The following ZNF541 variants were observed in gnomAD, a reference collection of about 807,000 sequenced individuals.
ZNF541 encodes zinc finger protein 541.
In ZNF541, 23 loss-of-function variants were observed where a neutral mutation model predicts 123.5. The observed-to-expected ratio is 0.19, with a 90% CI of 0.13 to 0.26. The LOEUF is 0.26. Ranked by LOEUF, ZNF541 falls within the 10% of genes least tolerant of loss-of-function variation. The pLI is 1.00. For synonymous variants in ZNF541, 751 were observed against 754.5 expected (o/e 1.00, Z 0.08); for missense variants, 1,612 against 1,789.9 (o/e 0.90, Z 1.79).
chr19:47,546,862 G>A (rs2123177375), intron 4 of ZNF541, among the ~76,000 whole-genome samples: 1 of 152,124 alleles, frequency 6.6e-6, no homozygotes, highest in East Asian at 1.9e-4. Flanking sequence ...TGGGACTACA[G>A]GTGCGTGCCA....
chr19:47,526,310 C>T (rs181829934), intron 14 of ZNF541, among the ~76,000 whole-genome samples: 5 of 151,970 alleles, frequency 3.3e-5, no homozygotes, highest in Admixed American at 6.6e-5. Flanking sequence ...AGCAAAACCC[C>T]GTCCCTACTA....
intron 5 of ZNF541, 40 bp from the exon 6 acceptor site, chr19:47,540,991 G>A: frequency 6.6e-7 from 1 of 1,516,380 alleles, no homozygotes; most frequent in South Asian, 1.2e-5. Context: ...CATCCAAAAT[G>A]AAGAGGCAAG....
At chr19:47,565,687 C>T (rs1254341402) in intron 2 of ZNF541, among the ~76,000 whole-genome samples, 1 of 151,966 alleles carries the variant, frequency 6.6e-6, no homozygotes, top group Non-Finnish European at 1.5e-5. Flanking sequence ...AAATGGTATC[C>T]CTCTCATTAA....
chr19:47,549,189 C>T (rs1174842890), intron 4 of ZNF541, 56 bp downstream of exon 4: 5 of 1,544,942 alleles, frequency 3.2e-6, no homozygotes, highest in African/African-American at 2.7e-5. Flanking sequence ...GACCCAGGAA[C>T]ATGTCCCCAC....
At chr19:47,532,769 G>A in intron 10 of ZNF541, 140 bp downstream of exon 10, 1 of 594,196 alleles carries the variant, frequency 1.7e-6, no homozygotes, top group Non-Finnish European at 2.8e-6. Context: ...CATATATTTG[G>A]AAAAATCTAC....
chr19:47,536,110 G>C (rs1033895093), intron 9 of ZNF541, among the ~76,000 whole-genome samples: 1 of 152,202 alleles, frequency 6.6e-6, no homozygotes, highest in East Asian at 1.9e-4. Flanking sequence ...GGCACAGATC[G>C]CTCATGCTAT....
intron 2 of ZNF541, among the ~76,000 whole-genome samples, chr19:47,570,530 T>G (rs1046871271): frequency 7.8e-6 from 1 of 127,656 alleles, no homozygotes; most frequent in African/African-American, 3.1e-5. Flanking sequence ...TGAGCTGAGA[T>G]AGTGCCAATG....
chr19:47,544,151 T>C lies in ZNF541; in HGVS notation c.2378A>G (p.Lys793Arg). ...AGPPADPSKS[K>R]LTIFSRIQGG... is the part of the protein sequence containing the mutation. ...CTGGATTCTGCTGAATATTGTCAGCTTGGACTTGGAGGGATCTGCCGGGGG... is the reference window on the plus strand; with the variant it reads ...CTGGATTCTGCTGAATATTGTCAGCCTGGACTTGGAGGGATCTGCCGGGGG... The change falls in exon 5 of 17, where the codon AAG becomes AGG. Residue 793 changes from lysine to arginine, a missense_variant. Coordinates refer to ENST00000391901, the MANE Select transcript of ZNF541 (RefSeq NM_001277075.3). The C allele has an allele frequency of 6.4e-7, 1 of 1,550,568 alleles. No homozygotes were observed. The highest frequency in any genetic ancestry group is 8.7e-7 in the Non-Finnish European group (1 of 1,146,148).
In ZNF541 at chr19:47,540,160, G is replaced by A; in HGVS notation, c.2622+16C>T. 1 of 1,546,736 alleles carries A rather than the reference G, an allele frequency of 6.5e-7. No individual in the cohort carries two copies. Among genetic ancestry groups the A allele is most frequent in the South Asian group, 1.2e-5 (1 of 83,662 alleles). On this transcript the variant is annotated intron_variant, in intron 7 of 16. Coordinates refer to ENST00000391901, the MANE Select transcript of ZNF541 (RefSeq NM_001277075.3). ...GAAACCCAGTAACCACCAAGCCACT[G>A]GTCGTCCCCCTTCACCTGCGGTTCC...
At position 47,545,589 on chromosome 19, in the gene ZNF541, C is replaced by G; in HGVS notation, c.940G>C (p.Gly314Arg). The G allele has an allele frequency of 6.5e-7, 1 of 1,548,692 alleles. No individual in the cohort carries two copies. The highest frequency in any genetic ancestry group is 8.7e-7 in the Non-Finnish European group (1 of 1,145,186). The change falls in exon 5 of 17, where the codon GGG (glycine) becomes CGG (arginine). Residue 314 changes from glycine (G) to arginine (R), a missense_variant. This residue lies in a region of ZNF541 where 1,080 missense variants were observed against 1,013.8 expected (regional missense o/e 1.07). Coordinates refer to ENST00000391901, the MANE Select transcript of ZNF541 (RefSeq NM_001277075.3). The surrounding 1 kb of genome is among the most constrained non-coding windows in gnomAD (Gnocchi z 7.5). ...NTACPCPASS[G>R]SSSCTPAGPH... ...CCGGCTGGGGTGCAGGACGAGGACC[C>G]CGATGAGGCGGGGCAGGGACAGGCA...
chr19:47,573,178 G>A (rs895984013), upstream of ZNF541, among the ~76,000 whole-genome samples: 2 of 149,708 alleles, frequency 1.3e-5, no homozygotes, highest in African/African-American at 4.9e-5. Flanking sequence ...GGGCGCACGC[G>A]CAGCCCGGCC....
In ZNF541 at chr19:47,545,444, G is replaced by A. The variant is rs755503767; in HGVS notation, c.1085C>T (p.Ala362Val). 1.2e-4 allele frequency: 174 copies of A among 1,476,724 alleles called. 1 individual carries two copies. The East Asian group carries it at 3.9e-3, about 33-fold the overall frequency. 91.5% of individuals were successfully genotyped at this position (1,476,724 alleles called of 1,614,324 possible). A position where few individuals can be genotyped will look rare whatever the true frequency, so the allele number is the denominator to read the frequency against. ...APNSRAAENG[A>V]PDPPEPEPDT... The stretch of plus-strand genomic sequence containing the variant: ...TGGCTCCGGCTCTGGCGGGTCGGGG[G>A]CGCCGTTCTCGGCGGCCCTGGAATT... Residue 362 changes from alanine to valine, a missense_variant, in exon 5 of 17, where the codon GCC becomes GTC. Coordinates refer to ENST00000391901, the MANE Select transcript of ZNF541 (RefSeq NM_001277075.3). The surrounding 1 kb of genome is among the most constrained non-coding windows in gnomAD (Gnocchi z 7.5).
At position 47,529,678 on chromosome 19, in the gene ZNF541, C is replaced by T. The variant is rs1386743182; in HGVS notation, c.3406-26G>A. The T allele has an allele frequency of 4.5e-6, 7 of 1,549,326 alleles. No homozygotes were observed. The East Asian group carries it at 1.2e-4, about 27-fold the overall frequency. Reference sequence around the variant, plus strand: ...CTGGAACAAGAGGAGCGACAGGCTGCCCAGGACCAGGTGGGGGAAGAGGAC... The same window carrying T: ...CTGGAACAAGAGGAGCGACAGGCTGTCCAGGACCAGGTGGGGGAAGAGGAC... On this transcript the variant is annotated intron_variant, in intron 12 of 16. Transcript: ENST00000391901.
At chr19:47,537,662 G>C (rs1969884947) in intron 9 of ZNF541, among the ~76,000 whole-genome samples, 1 of 142,728 alleles carries the variant, frequency 7.0e-6, no homozygotes, top group Non-Finnish European at 1.5e-5. Context: ...AAAATCACAA[G>C]TCCAGGAGCT....
In ZNF541 at chr19:47,549,180, A is replaced by G. The variant is rs1303760721; in HGVS notation, c.548+65T>C. 13 of 1,540,162 alleles carry G rather than the reference A, an allele frequency of 8.4e-6. No homozygotes were observed. The Admixed American group carries it at 2.0e-4, about 23-fold the overall frequency. ...GTTGATCTGGGAGAATAGGAAGAAG[A>G]CCCAGGAACATGTCCCCACCCCCAG... On this transcript the variant is annotated intron_variant, in intron 4 of 16. Coordinates refer to ENST00000391901, the MANE Select transcript of ZNF541 (RefSeq NM_001277075.3).
At chr19:47,546,078 C>T (rs1970344270) in intron 4 of ZNF541, 98 bp from the exon 5 acceptor site, 1 of 1,044,418 alleles carries the variant, frequency 9.6e-7, no homozygotes, top group Non-Finnish European at 1.3e-6. Context: ...GGTACAGTTG[C>T]ACCACAATTC....
chr19:47,521,812 G>C lies in ZNF541; in HGVS notation c.3711+42C>G. ...TCCAACTCAACGGGTAGCAGGCACT[G>C]GGAGGAGAGAAGAGCTCCCGACACA... is the stretch of plus-strand genomic sequence containing the variant. On this transcript the variant is annotated intron_variant, in intron 15 of 16. Coordinates refer to ENST00000391901, the MANE Select transcript of ZNF541 (RefSeq NM_001277075.3). The surrounding 1 kb of genome is among the most constrained non-coding windows in gnomAD (Gnocchi z 4.2). 1 of 1,543,692 alleles carries C rather than the reference G, an allele frequency of 6.5e-7. No individual in the cohort carries two copies. The highest frequency in any genetic ancestry group is 8.8e-7 in the Non-Finnish European group (1 of 1,142,020).
At chr19:47,550,311 AAGAG>A (rs529237618) in intron 3 of ZNF541, among the ~76,000 whole-genome samples, 1 of 150,164 alleles carries the variant, frequency 6.7e-6, no homozygotes, top group Non-Finnish European at 1.5e-5. Context: ...GAAGGAAGGA[AAGAG>A]AGAGAGAAAG....
At chr19:47,563,410 G>C (rs1344638729) in intron 2 of ZNF541, among the ~76,000 whole-genome samples, 1 of 152,086 alleles carries the variant, frequency 6.6e-6, no homozygotes, top group Non-Finnish European at 1.5e-5. Flanking sequence ...GATGATATTC[G>C]AGATGCCTCA....
Sources: allele counts gnomAD v4.1 joint callset (sites outside exome capture counted in the v4.1 genomes callset), GRCh38; gene constraint gnomAD v4.1.1; regional missense constraint gnomAD v4.1.1; non-coding constraint Gnocchi (gnomAD v3.1); transcripts MANE v1.5; gene names NCBI Gene and HGNC (gene_info 2026-07-23, HGNC 2026-07-21).